The following INIP variants were observed in gnomAD, a reference collection of about 807,000 sequenced individuals.
INIP encodes INTS3 and NABP interacting protein, also known as SOSS complex subunit C.
Under a neutral mutation model 14.0 loss-of-function variants are expected in INIP, and 9 were observed. That is an observed-to-expected ratio of 0.64 (90% CI 0.39 to 1.12). The LOEUF (loss-of-function observed/expected upper bound fraction) is 1.12, where lower values mean the gene tolerates loss of function less well. Among genes scored for constraint, INIP ranks in the 50% most tolerant of loss-of-function variants. The pLI is 0.01. For missense variants in INIP, 78 were observed against 122.7 expected, an observed-to-expected ratio of 0.64 and a Z score of 1.72; for synonymous variants, 37 against 41.5, an observed-to-expected ratio of 0.89 and a Z score of 0.41.
chr9:112,691,384 G>A (rs927151288), intron 3 of INIP, among the ~76,000 whole-genome samples: 10 of 151,428 alleles, frequency 6.6e-5, no homozygotes, highest in East Asian at 1.9e-4. Flanking sequence ...ATTGGAGAGC[G>A]GGGAGAATGA....
At chr9:112,707,659 T>A (rs1428217261) in intron 2 of INIP, among the ~76,000 whole-genome samples, 1 of 152,194 alleles carries the variant, frequency 6.6e-6, no homozygotes, top group Non-Finnish European at 1.5e-5. Context: ...ATTCTTCTTA[T>A]TGTAAAAAAA....
intron 3 of INIP, among the ~76,000 whole-genome samples, chr9:112,691,864 G>T (rs1358749724): frequency 6.6e-6 from 1 of 152,158 alleles, no homozygotes; most frequent in African/African-American, 2.4e-5. Flanking sequence ...ACAAAAGTTT[G>T]CTGGGTGTGG....
At chr9:112,704,508 G>A (rs1251607081) in intron 2 of INIP, among the ~76,000 whole-genome samples, 1 of 152,114 alleles carries the variant, frequency 6.6e-6, no homozygotes, top group African/African-American at 2.4e-5. Flanking sequence ...TATGAGAAAG[G>A]CATGAACTTA....
intron 2 of INIP, among the ~76,000 whole-genome samples, chr9:112,708,442 G>C (rs937849230): frequency 6.6e-6 from 1 of 152,084 alleles, no homozygotes; most frequent in Non-Finnish European, 1.5e-5. Flanking sequence ...AGATACAAAC[G>C]GATCCAATAG....
At chr9:112,695,826 AAGAAGGAGAAGAAGG>A (rs1838067931) in intron 2 of INIP, among the ~76,000 whole-genome samples, 1 of 148,122 alleles carries the variant, frequency 6.8e-6, no homozygotes, top group South Asian at 2.2e-4. Flanking sequence ...GAAGGAGAAG[AAGAAGGAGAAGAAGG>A]AGAAGAAGAA....
chr9:112,688,122 A>AAATAAATC (rs1170727846), intron 4 of INIP, among the ~76,000 whole-genome samples: 27 of 151,306 alleles, frequency 1.8e-4, no homozygotes, highest in African/African-American at 5.4e-4. Context: ...ATAAATAAAT[A>AAATAAATC]AATCAGTTTT....
intron 2 of INIP, among the ~76,000 whole-genome samples, chr9:112,700,518 A>ATATATATT (rs1554739852): frequency 7.2e-5 from 10 of 139,786 alleles, no homozygotes; most frequent in Non-Finnish European, 1.4e-4. Context: ...TAAATTAGGT[A>ATATATATT]TATATAATAT....
intron 2 of INIP, among the ~76,000 whole-genome samples, chr9:112,697,205 T>C (rs796399700): frequency 6.6e-6 from 1 of 152,200 alleles, no homozygotes; most frequent in African/African-American, 2.4e-5. Context: ...TGTTAGGAAA[T>C]GGGGTTCAAG....
At position 112,700,578 on chromosome 9, in the gene INIP, G is replaced by T. The variant is rs185847898; in HGVS notation, c.26-6345C>A. 6.5e-3 allele frequency among the ~76,000 whole-genome samples: 957 copies of T among 146,208 alleles called. 22 individuals carry two copies. Among genetic ancestry groups the T allele is most frequent in the Admixed American group, 5.4e-3 (78 of 14,556 alleles). ...TATATTATATAATATATAATATAAAGAATATTATATAAACATAACTACTAC... is the reference window on the plus strand; with the variant it reads ...TATATTATATAATATATAATATAAATAATATTATATAAACATAACTACTAC... On this transcript the variant is annotated intron_variant, in intron 2 of 4. Coordinates refer to ENST00000374242, the MANE Select transcript of INIP (RefSeq NM_021218.3).
chr9:112,712,781 A>C (rs994488962), intron 2 of INIP, among the ~76,000 whole-genome samples: 1 of 152,204 alleles, frequency 6.6e-6, no homozygotes, highest in Admixed American at 6.5e-5. Flanking sequence ...ACAGAAAAAA[A>C]TATTGAGGAA....
intron 2 of INIP, among the ~76,000 whole-genome samples, chr9:112,698,131 C>A (rs969542004): frequency 1.3e-5 from 2 of 151,836 alleles, no homozygotes; most frequent in Non-Finnish European, 2.9e-5. Flanking sequence ...AGTGAAACCC[C>A]ATCTCTACTA....
At chr9:112,692,631 T>G (rs1837930092) in intron 3 of INIP, among the ~76,000 whole-genome samples, 1 of 151,390 alleles carries the variant, frequency 6.6e-6, no homozygotes, top group Admixed American at 6.6e-5. Flanking sequence ...ACTGAATACC[T>G]ATAATAAAGA....
intron 3 of INIP, among the ~76,000 whole-genome samples, chr9:112,693,647 T>C (rs1011833576): frequency 6.6e-6 from 1 of 152,192 alleles, no homozygotes; most frequent in African/African-American, 2.4e-5. Flanking sequence ...AAGAACTAAG[T>C]TGGGCACAGG....
intron 2 of INIP, among the ~76,000 whole-genome samples, chr9:112,708,494 T>C (rs1838552281): frequency 6.6e-6 from 1 of 152,148 alleles, no homozygotes; most frequent in South Asian, 2.1e-4. Flanking sequence ...ATGGATTCAA[T>C]ATGAAGGAAT....
chr9:112,698,223 G>A (rs1172230642), intron 2 of INIP, among the ~76,000 whole-genome samples: 2 of 140,880 alleles, frequency 1.4e-5, no homozygotes, highest in East Asian at 2.2e-4. Flanking sequence ...AGAATTGCTT[G>A]AACCTTGGAG....
intron 2 of INIP, among the ~76,000 whole-genome samples, chr9:112,715,608 T>C (rs572546530): frequency 6.1e-4 from 93 of 152,092 alleles, no homozygotes; most frequent in African/African-American, 2.2e-3. Context: ...ACCCAGTCTC[T>C]ACTAAAAATA....
chr9:112,713,202 A>G (rs761255923), intron 2 of INIP, among the ~76,000 whole-genome samples: 9 of 152,266 alleles, frequency 5.9e-5, no homozygotes, highest in Non-Finnish European at 1.2e-4. Flanking sequence ...AAGTACAACG[A>G]AAGTGCTCAG....
At chr9:112,699,596 G>A (rs892862036) in intron 2 of INIP, among the ~76,000 whole-genome samples, 1 of 152,086 alleles carries the variant, frequency 6.6e-6, no homozygotes, top group African/African-American at 2.4e-5. Flanking sequence ...AGGTATGTAT[G>A]TATAGGAAAA....
At chr9:112,705,110 C>CAAAAAAAAAAA (rs1194911436) in intron 2 of INIP, among the ~76,000 whole-genome samples, 1 of 46,038 alleles carries the variant, frequency 2.2e-5, no homozygotes, top group Non-Finnish European at 3.9e-5. Context: ...GACCCTGTCT[C>CAAAAAAAAAAA]AAAAAAAAAA....
Sources: allele counts gnomAD v4.1 joint callset (sites outside exome capture counted in the v4.1 genomes callset), GRCh38; gene constraint gnomAD v4.1.1; transcripts MANE v1.5; gene names NCBI Gene and HGNC (gene_info 2026-07-23, HGNC 2026-07-21).